DCC: variants seen among roughly 807,000 people sequenced by gnomAD.
DCC encodes the protein netrin receptor DCC.
DCC carries 58 observed loss-of-function variants against 172.5 expected under a neutral mutation model. The ratio of observed to expected loss-of-function variants is 0.34; its 90% CI spans 0.27 to 0.42. The LOEUF (loss-of-function observed/expected upper bound fraction) is 0.42, where lower values mean the gene tolerates loss of function less well. Among genes scored for constraint, DCC ranks in the 10% least tolerant of loss-of-function variants. DCC has a pLI of 1.00. For missense variants in DCC, 1,740 were observed against 1,791.0 expected (o/e 0.97, Z 0.51); for synonymous variants, 709 against 644.5 (o/e 1.10, Z -1.52).
intron 26 of DCC, among the ~76,000 whole-genome samples, chr18:53,498,139 A>G (rs1163062728): frequency 6.6e-6 from 1 of 152,226 alleles, no homozygotes; most frequent in East Asian, 1.9e-4. Context: ...TCACTTCTGC[A>G]TAACTTTAAT....
At chr18:52,552,316 A>G (rs540757266) in intron 1 of DCC, among the ~76,000 whole-genome samples, 6 of 152,194 alleles carry the variant, frequency 3.9e-5, no homozygotes, top group African/African-American at 1.4e-4. Flanking sequence ...TTGTTATCAC[A>G]GGAAACCTCT....
chr18:52,350,336 C>T (rs558953818), intron 1 of DCC, among the ~76,000 whole-genome samples: 19 of 152,296 alleles, frequency 1.2e-4, no homozygotes, highest in African/African-American at 3.6e-4. Context: ...TGATGGATTA[C>T]ATTTATTGAT....
intron 12 of DCC, among the ~76,000 whole-genome samples, chr18:53,278,658 C>T (rs2144722601): frequency 6.6e-6 from 1 of 152,214 alleles, no homozygotes; most frequent in East Asian, 1.9e-4. Context: ...TAAAACAATT[C>T]ATTTTCATTT....
chr18:53,046,698 A>G (rs1599064502), intron 5 of DCC, among the ~76,000 whole-genome samples: 2 of 151,992 alleles, frequency 1.3e-5, no homozygotes, highest in South Asian at 2.1e-4. Context: ...TTACAGTTCA[A>G]ACTTCTCAAT....
In DCC at chr18:52,923,755, T is replaced by C. The variant is rs764081462; in HGVS notation, c.746T>C (p.Val249Ala). 2.6e-5 allele frequency: 42 copies of C among 1,610,416 alleles called. No individual in the cohort carries two copies. The highest frequency in any genetic ancestry group is 2.0e-4 in the East Asian group (9 of 44,846). The stretch of plus-strand genomic sequence containing the variant: ...TATTTTCTGCAAAGACCATCCAATG[T>C]AGTAGCCATTGAAGGAAAAGATGCT... ...QLYFLQRPSN[V>A]VAIEGKDAVL... The change falls in exon 4 of 29, where the codon GTA becomes GCA. Residue 249 changes from valine to alanine, a missense_variant. Coordinates refer to ENST00000442544, the MANE Select transcript of DCC (RefSeq NM_005215.4).
intron 1 of DCC, among the ~76,000 whole-genome samples, chr18:52,485,671 A>G (rs2030183336): frequency 6.6e-6 from 1 of 152,108 alleles, no homozygotes; most frequent in Non-Finnish European, 1.5e-5. Flanking sequence ...TTCATTTGGT[A>G]TATTTTATTA....
intron 12 of DCC, among the ~76,000 whole-genome samples, chr18:53,230,875 A>T (rs564033013): frequency 1.3e-5 from 2 of 152,124 alleles, no homozygotes; most frequent in South Asian, 4.2e-4. Context: ...TTTTGGAAAT[A>T]TGTATGTGAA....
chr18:52,719,470 G>A (rs559367163), intron 1 of DCC, among the ~76,000 whole-genome samples: 7 of 152,230 alleles, frequency 4.6e-5, no homozygotes, highest in South Asian at 2.1e-4. Context: ...ACGTCCATTC[G>A]TTCAGTGAAT....
At chr18:53,280,271 T>C (rs1177526176) in intron 12 of DCC, among the ~76,000 whole-genome samples, 1 of 152,190 alleles carries the variant, frequency 6.6e-6, no homozygotes, top group Admixed American at 6.6e-5. Flanking sequence ...AGTATTGTTT[T>C]CTTTCCCTGT....
chr18:52,605,202 T>G (rs1017198154), intron 1 of DCC, among the ~76,000 whole-genome samples: 6 of 152,190 alleles, frequency 3.9e-5, no homozygotes, highest in South Asian at 4.1e-4. Flanking sequence ...TGGAAGCCTA[T>G]TATAAACAAT....
chr18:52,585,053 A>T (rs1242883573), intron 1 of DCC, among the ~76,000 whole-genome samples: 4 of 152,168 alleles, frequency 2.6e-5, no homozygotes, highest in Non-Finnish European at 4.4e-5. Flanking sequence ...TATCACTAAG[A>T]CGGTATTTTT....
intron 1 of DCC, among the ~76,000 whole-genome samples, chr18:52,508,325 A>G (rs572972300): frequency 1.3e-5 from 2 of 152,314 alleles, no homozygotes; most frequent in South Asian, 2.1e-4. Context: ...TATACATTTT[A>G]TCATTAATAC....
At chr18:52,880,229 T>C (rs923330223) in intron 2 of DCC, among the ~76,000 whole-genome samples, 2 of 152,118 alleles carry the variant, frequency 1.3e-5, no homozygotes, top group African/African-American at 4.8e-5. Flanking sequence ...TTCTGCCTCC[T>C]GTGTTCAAGC....
chr18:53,022,317 A>G (rs968756420), intron 5 of DCC, among the ~76,000 whole-genome samples: 1 of 152,062 alleles, frequency 6.6e-6, no homozygotes, highest in African/African-American at 2.4e-5. Flanking sequence ...GCCATGTATT[A>G]TCTCTGTGGA....
At chr18:53,199,079 CTTT>C (rs5824997) in intron 9 of DCC, among the ~76,000 whole-genome samples, 2 of 140,514 alleles carry the variant, frequency 1.4e-5, no homozygotes, top group Non-Finnish European at 3.1e-5. Flanking sequence ...TTTTCTTTTT[CTTT>C]TTTTTTTTTT....
chr18:52,580,210 T>C (rs1353257984), intron 1 of DCC, among the ~76,000 whole-genome samples: 1 of 152,208 alleles, frequency 6.6e-6, no homozygotes, highest in Non-Finnish European at 1.5e-5. Flanking sequence ...GATTCAAGGA[T>C]GACCTTAAGG....
chr18:52,417,077 A>C (rs1388781927), intron 1 of DCC, among the ~76,000 whole-genome samples: 1 of 152,142 alleles, frequency 6.6e-6, no homozygotes, highest in Non-Finnish European at 1.5e-5. Context: ...GGTGGTGACA[A>C]AATCTCTCAA....
At chr18:52,541,979 T>A (rs1188631892) in intron 1 of DCC, among the ~76,000 whole-genome samples, 2 of 146,558 alleles carry the variant, frequency 1.4e-5, no homozygotes, top group African/African-American at 5.0e-5. Flanking sequence ...ATATCAAATA[T>A]GTAATATATA....
chr18:53,472,130 T>A (rs1340110035), intron 25 of DCC, among the ~76,000 whole-genome samples: 1 of 152,180 alleles, frequency 6.6e-6, no homozygotes, highest in Non-Finnish European at 1.5e-5. Context: ...CTATAATAAG[T>A]GCAAAAACTT....
Sources: allele counts gnomAD v4.1 joint callset (sites outside exome capture counted in the v4.1 genomes callset), GRCh38; gene constraint gnomAD v4.1.1; transcripts MANE v1.5; gene names NCBI Gene and HGNC (gene_info 2026-07-23, HGNC 2026-07-21).